PCM1: variants seen among roughly 807,000 people sequenced by gnomAD.
The protein encoded by PCM1 is pericentriolar material 1.
Under a neutral mutation model 241.9 loss-of-function variants are expected in PCM1, and 157 were observed. The ratio of observed to expected loss-of-function variants is 0.65; its 90% CI spans 0.57 to 0.74. The LOEUF (loss-of-function observed/expected upper bound fraction) is 0.74, where lower values mean the gene tolerates loss of function less well. Ranked by LOEUF, PCM1 falls within the 30% of genes least tolerant of loss-of-function variation. PCM1 has a pLI of 0.00. For synonymous variants in PCM1, 1,085 were observed against 784.9 expected, an observed-to-expected ratio of 1.38 and a Z score of -6.39; for missense variants, 3,478 against 2,360.1, an observed-to-expected ratio of 1.47 and a Z score of -9.81.
At chr8:18,008,288 T>C (rs2091868181) in intron 30 of PCM1, among the ~76,000 whole-genome samples, 1 of 151,934 alleles carries the variant, frequency 6.6e-6, no homozygotes, top group South Asian at 2.1e-4. Context: ...GTGTGAGGGA[T>C]CTAGGTTACA....
intron 36 of PCM1, among the ~76,000 whole-genome samples, chr8:18,022,274 T>A (rs747308389): frequency 6.6e-6 from 1 of 152,222 alleles, no homozygotes; most frequent in Non-Finnish European, 1.5e-5. Context: ...ATGAAACGAC[T>A]ACATTTAAAA....
At chr8:17,973,653 G>GT (rs1202374715) in intron 23 of PCM1, among the ~76,000 whole-genome samples, 1 of 151,646 alleles carries the variant, frequency 6.6e-6, no homozygotes, top group Non-Finnish European at 1.5e-5. Context: ...GGAGGCAGAG[G>GT]TTGCAGTGAG....
rs748754992 is a variant in PCM1 at position 17,956,789 on chromosome 8, T to A, written c.1646+12T>A. 1.3e-6 allele frequency: 2 copies of A among 1,595,460 alleles called. No homozygotes were observed. Among genetic ancestry groups the A allele is most frequent in the African/African-American group, 1.3e-5 (1 of 74,644 alleles). ...GTTACTAACATTCGGTAAGAACTTT[T>A]CTGGGGATGTTTTTCCAGCATATTC... On this transcript the variant is annotated intron_variant, in intron 11 of 38. Coordinates refer to ENST00000325083, the MANE Select transcript of PCM1 (RefSeq NM_006197.4).
In PCM1 at chr8:17,991,590, A is replaced by T. The variant is rs1426937539; in HGVS notation, c.4580A>T (p.Tyr1527Phe). The T allele has an allele frequency of 1.3e-5, 21 of 1,599,208 alleles. No homozygotes were observed. Among genetic ancestry groups the T allele is most frequent in the Non-Finnish European group, 1.8e-5 (21 of 1,172,234 alleles). The stretch of plus-strand genomic sequence containing the variant: ...CAAGCATTAGCCAGAATGAGAGAAT[A>T]TGAGCGTATGAAGACTGAGGCTGAA... Reference protein sequence around the residue: ...LDQALARMREYERMKTEAESN... With the variant: ...LDQALARMREFERMKTEAESN... Residue 1527 changes from tyrosine to phenylalanine, a missense_variant, in exon 28 of 39, where the codon TAT (tyrosine) becomes TTT (phenylalanine). Physicochemically the swap from Tyr to Phe is conservative, Grantham distance 22. Transcript: ENST00000325083.
intron 6 of PCM1, among the ~76,000 whole-genome samples, chr8:17,943,566 C>A (rs1038836753): frequency 3.3e-5 from 5 of 152,074 alleles, no homozygotes; most frequent in Non-Finnish European, 5.9e-5. Context: ...AACCACTTTG[C>A]TGTTTTTAGG....
chr8:17,988,856 T>A (rs1368508530), intron 26 of PCM1, among the ~76,000 whole-genome samples: 1 of 151,946 alleles, frequency 6.6e-6, no homozygotes, highest in Non-Finnish European at 1.5e-5. Context: ...CTCACAGTCC[T>A]TATGAGAATG....
intron 3 of PCM1, among the ~76,000 whole-genome samples, chr8:17,935,923 GT>G (rs761849844): frequency 2.6e-5 from 4 of 151,828 alleles, no homozygotes; most frequent in Non-Finnish European, 2.9e-5. Flanking sequence ...ATGTAAAAGT[GT>G]TTTTTTTATG....
intron 11 of PCM1, 58 bp downstream of exon 11, chr8:17,956,835 A>C: frequency 7.8e-7 from 1 of 1,279,544 alleles, no homozygotes; most frequent in Non-Finnish European, 1.1e-6. Context: ...GATACTTATA[A>C]TGTGGGAACA....
At chr8:17,935,404 C>T (rs901497723) in intron 2 of PCM1, among the ~76,000 whole-genome samples, 185 bp from the exon 3 acceptor site, 1 of 152,194 alleles carries the variant, frequency 6.6e-6, no homozygotes, top group East Asian at 1.9e-4. Context: ...AACTACCTAG[C>T]TCATTTTAAT....
chr8:17,972,247 C>CAA (rs34990698), intron 22 of PCM1, 82 bp from the exon 23 acceptor site: 574,029 of 741,830 alleles, frequency 0.77, 224,346 homozygotes, highest in African/African-American at 0.87. Flanking sequence ...TAAATCTACT[C>CAA]GAGTAGACTA....
intron 29 of PCM1, among the ~76,000 whole-genome samples, chr8:18,004,882 C>G (rs1360768601): frequency 1.3e-5 from 2 of 152,146 alleles, no homozygotes; most frequent in South Asian, 4.1e-4. Context: ...AAGCCGTGTC[C>G]TACCCAAACT....
intron 26 of PCM1, among the ~76,000 whole-genome samples, chr8:17,987,930 A>C (rs1438204297): frequency 6.6e-6 from 1 of 151,820 alleles, no homozygotes; most frequent in Non-Finnish European, 1.5e-5. Flanking sequence ...TCAGAGCCTC[A>C]TTCTCTAGAT....
At chr8:17,977,998 C>T (rs889206279) in intron 23 of PCM1, among the ~76,000 whole-genome samples, 1 of 151,884 alleles carries the variant, frequency 6.6e-6, no homozygotes, top group Non-Finnish European at 1.5e-5. Flanking sequence ...AGAGGCAAAA[C>T]CTAGTGAAAA....
At position 17,993,469 on chromosome 8, in the gene PCM1, T is replaced by A; in HGVS notation, c.4691-14T>A. ...GGCTTTGTTAGGCTAATGTATTTTC[T>A]TTTTAAAAATTAGAAACTCCCGTTA... On this transcript the variant is annotated splice_polypyrimidine_tract_variant and intron_variant, in intron 28 of 38. Transcript: ENST00000325083. 1 of 1,535,172 alleles carries A rather than the reference T, an allele frequency of 6.5e-7. No homozygotes were observed. Among genetic ancestry groups the A allele is most frequent in the Non-Finnish European group, 8.8e-7 (1 of 1,140,548 alleles).
chr8:18,005,014 C>T (rs139240593), intron 29 of PCM1, among the ~76,000 whole-genome samples: 8 of 152,218 alleles, frequency 5.3e-5, no homozygotes, highest in East Asian at 1.9e-4. Flanking sequence ...TACTTTTTCA[C>T]GTATTAGCTG....
intron 23 of PCM1, among the ~76,000 whole-genome samples, chr8:17,978,520 A>T (rs1434228341): frequency 1.3e-5 from 2 of 152,014 alleles, no homozygotes; most frequent in African/African-American, 2.4e-5. Context: ...AACCGACACC[A>T]GGCAATCTTC....
intron 6 of PCM1, among the ~76,000 whole-genome samples, chr8:17,944,353 G>C (rs1183136269): frequency 6.6e-6 from 1 of 152,032 alleles, no homozygotes; most frequent in Non-Finnish European, 1.5e-5. Context: ...TCTTCTCTAG[G>C]CTTATAGTTC....
intron 5 of PCM1, among the ~76,000 whole-genome samples, chr8:17,939,342 A>G (rs933123941): frequency 6.6e-6 from 1 of 152,186 alleles, no homozygotes; most frequent in African/African-American, 2.4e-5. Flanking sequence ...TTCTTTTGAA[A>G]AGTTGTAAAA....
chr8:18,001,170 G>C (rs1463815485), intron 29 of PCM1, among the ~76,000 whole-genome samples: 2 of 152,148 alleles, frequency 1.3e-5, no homozygotes, highest in African/African-American at 2.4e-5. Flanking sequence ...GGACTGCAAG[G>C]AGTTAGTTAT....
Sources: allele counts gnomAD v4.1 joint callset (sites outside exome capture counted in the v4.1 genomes callset), GRCh38; gene constraint gnomAD v4.1.1; transcripts MANE v1.5; gene names NCBI Gene and HGNC (gene_info 2026-07-23, HGNC 2026-07-21).